Variants in LYPD6 observed in about 807,000 individuals in gnomAD.
LYPD6 encodes the protein ly6/PLAUR domain-containing protein 6.
Under a neutral mutation model 22.7 loss-of-function variants are expected in LYPD6, and 15 were observed. That is an observed-to-expected ratio of 0.66 (90% CI 0.44 to 1.02). The LOEUF (loss-of-function observed/expected upper bound fraction) is 1.02, where lower values mean the gene tolerates loss of function less well. LYPD6 is among the 50% of genes least tolerant of loss of function. The pLI, the probability that LYPD6 is intolerant of heterozygous loss-of-function variation, is 0.00. For synonymous variants in LYPD6, 72 were observed against 77.5 expected, an observed-to-expected ratio of 0.93 and a Z score of 0.37; for missense variants, 189 against 208.4, an observed-to-expected ratio of 0.91 and a Z score of 0.57.
At chr2:149,433,523 C>T (rs530862050) in intron 1 of LYPD6, among the ~76,000 whole-genome samples, 8 of 152,266 alleles carry the variant, frequency 5.3e-5, no homozygotes, top group African/African-American at 1.2e-4. Flanking sequence ...GGCTGCAAAG[C>T]AGGAACTTTG....
intron 2 of LYPD6, among the ~76,000 whole-genome samples, chr2:149,446,247 T>C (rs1408931143): frequency 6.6e-6 from 1 of 152,158 alleles, no homozygotes; most frequent in Non-Finnish European, 1.5e-5. Context: ...ACCATACAGA[T>C]ACAAAAGTAA....
At chr2:149,469,329 C>T (rs530138959) in intron 4 of LYPD6, among the ~76,000 whole-genome samples, 1 of 152,154 alleles carries the variant, frequency 6.6e-6, no homozygotes, top group Non-Finnish European at 1.5e-5. Context: ...TGCCTATGTA[C>T]AGAAGCACTC....
chr2:149,369,707 A>T (rs1287060775), intron 1 of LYPD6, among the ~76,000 whole-genome samples: 1 of 152,176 alleles, frequency 6.6e-6, no homozygotes, highest in African/African-American at 2.4e-5. Context: ...TTCAAAGAGG[A>T]GGGAGGAAGT....
At chr2:149,461,375 T>G (rs1681084395) in intron 3 of LYPD6, among the ~76,000 whole-genome samples, 1 of 151,928 alleles carries the variant, frequency 6.6e-6, no homozygotes, top group Non-Finnish European at 1.5e-5. Context: ...CTATAACTCC[T>G]AAGAATTTTT....
downstream of LYPD6, among the ~76,000 whole-genome samples, chr2:149,475,306 T>TA (rs1681431185): frequency 6.6e-6 from 1 of 152,094 alleles, no homozygotes; most frequent in Non-Finnish European, 1.5e-5. Context: ...CACTTGAACT[T>TA]AAAGATTCAG....
chr2:149,426,927 C>T (rs1156573029), intron 1 of LYPD6, among the ~76,000 whole-genome samples: 1 of 152,156 alleles, frequency 6.6e-6, no homozygotes, highest in Non-Finnish European at 1.5e-5. Flanking sequence ...CCCAAAACAC[C>T]TTCCAGTGGG....
chr2:149,348,061 CAAA>C lies in LYPD6; in HGVS notation c.-72+17361_-72+17363del, dbSNP rs58228847. 2.4e-3 allele frequency among the ~76,000 whole-genome samples: 185 copies of C among 76,696 alleles called. 1 individual carries two copies. Among genetic ancestry groups the C allele is most frequent in the African/African-American group, 7.2e-3 (169 of 23,626 alleles). 50.3% of individuals were successfully genotyped at this position (76,696 alleles called of 152,430 possible). ...CGAAACCCTGACTCTACTAAAAATA[CAAA>C]AAAAAAAAAAAAAAAAAAAAAGAGT... On this transcript the variant is annotated intron_variant, in intron 1 of 4. Transcript: ENST00000334166.
intron 1 of LYPD6, among the ~76,000 whole-genome samples, chr2:149,361,956 GGT>G (rs1451491315): frequency 6.6e-6 from 1 of 152,150 alleles, no homozygotes. Flanking sequence ...AAGAAGCAGA[GGT>G]TGCAATGATG....
chr2:149,335,552 GA>G (rs972525663), intron 1 of LYPD6, among the ~76,000 whole-genome samples: 7 of 151,992 alleles, frequency 4.6e-5, no homozygotes, highest in Non-Finnish European at 8.8e-5. Context: ...ATTGAAGAAA[GA>G]AAAAATGTTA....
At chr2:149,411,645 CAAAG>C (rs1408479735) in intron 1 of LYPD6, among the ~76,000 whole-genome samples, 1 of 152,046 alleles carries the variant, frequency 6.6e-6, no homozygotes, top group African/African-American at 2.4e-5. Context: ...AAGTATTTGA[CAAAG>C]AAATGATAGT....
At chr2:149,435,974 T>C (rs549711724) in intron 1 of LYPD6, among the ~76,000 whole-genome samples, 1 of 152,356 alleles carries the variant, frequency 6.6e-6, no homozygotes, top group Admixed American at 6.5e-5. Flanking sequence ...TAAAAAGTTA[T>C]AATACTATTC....
At chr2:149,427,489 GT>G (rs1180829621) in intron 1 of LYPD6, among the ~76,000 whole-genome samples, 10 of 152,128 alleles carry the variant, frequency 6.6e-5, no homozygotes, top group African/African-American at 2.2e-4. Flanking sequence ...CCTTCTGGCT[GT>G]TTGCACTTGA....
At chr2:149,376,266 T>C (rs1681919469) in intron 1 of LYPD6, among the ~76,000 whole-genome samples, 1 of 152,214 alleles carries the variant, frequency 6.6e-6, no homozygotes, top group Admixed American at 6.5e-5. Flanking sequence ...CTTGGCAAGA[T>C]TGAAGAGCTT....
chr2:149,405,252 A>G (rs1229371619), intron 1 of LYPD6, among the ~76,000 whole-genome samples: 1 of 152,118 alleles, frequency 6.6e-6, no homozygotes, highest in Non-Finnish European at 1.5e-5. Flanking sequence ...GCCTCATAAA[A>G]TGAGTTAGGG....
At chr2:149,463,377 A>G (rs1681128615) in intron 3 of LYPD6, among the ~76,000 whole-genome samples, 7 of 152,168 alleles carry the variant, frequency 4.6e-5, no homozygotes, top group African/African-American at 1.7e-4. Context: ...AATAAGAAAA[A>G]TGCCACATGC....
chr2:149,396,567 C>G (rs1335991731), intron 1 of LYPD6, among the ~76,000 whole-genome samples: 1 of 152,114 alleles, frequency 6.6e-6, no homozygotes, highest in Non-Finnish European at 1.5e-5. Context: ...CTCTTTTCTC[C>G]TTTCCCCTCC....
At chr2:149,393,624 C>T (rs1682363534) in intron 1 of LYPD6, among the ~76,000 whole-genome samples, 1 of 152,118 alleles carries the variant, frequency 6.6e-6, no homozygotes. Context: ...TTGTGGGCAG[C>T]CAGCAGGCTA....
chr2:149,359,996 T>C (rs1312584261), intron 1 of LYPD6, among the ~76,000 whole-genome samples: 1 of 152,208 alleles, frequency 6.6e-6, no homozygotes, highest in Non-Finnish European at 1.5e-5. Flanking sequence ...TTCTTGATTA[T>C]ATGCTAAACA....
chr2:149,356,141 A>C (rs775304582), intron 1 of LYPD6, among the ~76,000 whole-genome samples: 4 of 151,934 alleles, frequency 2.6e-5, no homozygotes, highest in Non-Finnish European at 5.9e-5. Context: ...ATGCAAAACA[A>C]GTATGCAAAC....
Sources: allele counts gnomAD v4.1 joint callset (sites outside exome capture counted in the v4.1 genomes callset), GRCh38; gene constraint gnomAD v4.1.1; transcripts MANE v1.5; gene names NCBI Gene and HGNC (gene_info 2026-07-23, HGNC 2026-07-21).